Variants in CLSTN2 observed in about 807,000 individuals in gnomAD.
The protein encoded by CLSTN2 is calsyntenin-2.
CLSTN2 carries 48 observed loss-of-function variants against 101.2 expected under a neutral mutation model. The observed-to-expected ratio is 0.47, with a 90% CI of 0.38 to 0.60. The LOEUF (loss-of-function observed/expected upper bound fraction) is 0.60, where lower values mean the gene tolerates loss of function less well. CLSTN2 is among the 20% of genes least tolerant of loss of function. CLSTN2 has a pLI of 0.00. For missense variants in CLSTN2, 1,160 were observed against 1,238.2 expected, an observed-to-expected ratio of 0.94 and a Z score of 0.95; for synonymous variants, 481 against 463.6, an observed-to-expected ratio of 1.04 and a Z score of -0.48.
intron 2 of CLSTN2, among the ~76,000 whole-genome samples, chr3:140,258,784 G>T (rs2107881172): frequency 6.6e-6 from 1 of 152,240 alleles, no homozygotes; most frequent in East Asian, 1.9e-4. Flanking sequence ...TCTGACACTG[G>T]CCATATAATT....
intron 9 of CLSTN2, among the ~76,000 whole-genome samples, chr3:140,544,133 G>A (rs969309976): frequency 7.2e-5 from 11 of 152,180 alleles, no homozygotes; most frequent in Middle Eastern, 3.2e-3. Context: ...CAAAACGTCC[G>A]CTATGTGCCA....
intron 1 of CLSTN2, among the ~76,000 whole-genome samples, chr3:140,135,085 A>C (rs1288631802): frequency 4.8e-4 from 12 of 25,044 alleles, no homozygotes; most frequent in Admixed American, 2.2e-3. Flanking sequence ...GCCTCTCAAA[A>C]AAACACACAC....
chr3:139,938,768 C>G (rs773891197), intron 1 of CLSTN2, among the ~76,000 whole-genome samples: 4 of 152,104 alleles, frequency 2.6e-5, no homozygotes, highest in Non-Finnish European at 4.4e-5. Context: ...ACTTGGTACA[C>G]AGTCCTTCTT....
chr3:140,200,135 G>T (rs1219213576), intron 2 of CLSTN2, among the ~76,000 whole-genome samples: 2 of 152,138 alleles, frequency 1.3e-5, no homozygotes, highest in East Asian at 3.9e-4. Context: ...TTTGTTCTAG[G>T]CAGGGGCTGT....
At chr3:140,259,399 A>C (rs944010950) in intron 2 of CLSTN2, among the ~76,000 whole-genome samples, 1 of 152,140 alleles carries the variant, frequency 6.6e-6, no homozygotes, top group Non-Finnish European at 1.5e-5. Context: ...ACTTGAACTC[A>C]GGAGGCAGAG....
At chr3:140,475,299 C>A (rs1426365604) in intron 8 of CLSTN2, among the ~76,000 whole-genome samples, 1 of 152,164 alleles carries the variant, frequency 6.6e-6, no homozygotes, top group Non-Finnish European at 1.5e-5. Flanking sequence ...GTTGATGGAG[C>A]ATATTGCATA....
chr3:140,227,000 C>T (rs767536146), intron 2 of CLSTN2, among the ~76,000 whole-genome samples: 5 of 152,124 alleles, frequency 3.3e-5, no homozygotes, highest in Non-Finnish European at 5.9e-5. Context: ...TGGGTGGGGA[C>T]ACAACCAAAC....
intron 2 of CLSTN2, among the ~76,000 whole-genome samples, chr3:140,230,741 T>C (rs1158464226): frequency 6.6e-6 from 1 of 152,194 alleles, no homozygotes; most frequent in African/African-American, 2.4e-5. Context: ...CAGTTCATGG[T>C]ATTTTGTTAT....
At chr3:139,962,394 C>T (rs552650630) in intron 1 of CLSTN2, among the ~76,000 whole-genome samples, 1 of 152,196 alleles carries the variant, frequency 6.6e-6, no homozygotes, top group African/African-American at 2.4e-5. Flanking sequence ...TATATGACCT[C>T]CAACAGTTTT....
chr3:140,448,808 T>G (rs1443490791), intron 6 of CLSTN2, 104 bp downstream of exon 6: 4 of 984,810 alleles, frequency 4.1e-6, no homozygotes, highest in East Asian at 2.5e-5. Flanking sequence ...CCTCCCTTCC[T>G]GCACTGATAT....
chr3:140,255,477 C>T (rs73228913), intron 2 of CLSTN2, among the ~76,000 whole-genome samples: 2,261 of 152,094 alleles, frequency 0.015, 31 homozygotes, highest in Middle Eastern at 0.027. Flanking sequence ...ACATAAAAAA[C>T]GACAAATCAT....
intron 2 of CLSTN2, among the ~76,000 whole-genome samples, chr3:140,383,967 G>A (rs984894283): frequency 6.6e-6 from 1 of 152,188 alleles, no homozygotes; most frequent in African/African-American, 2.4e-5. Context: ...GCAGGGTTTG[G>A]CTCTGCTGGA....
chr3:140,244,712 C>T (rs182282809), intron 2 of CLSTN2, among the ~76,000 whole-genome samples: 2 of 152,314 alleles, frequency 1.3e-5, no homozygotes, highest in South Asian at 4.1e-4. Flanking sequence ...CTATTGAACA[C>T]CTTCCCAAAC....
intron 2 of CLSTN2, among the ~76,000 whole-genome samples, chr3:140,233,816 A>G (rs968414898): frequency 5.3e-5 from 8 of 152,184 alleles, no homozygotes; most frequent in Non-Finnish European, 8.8e-5. Context: ...CCTCTTCCAG[A>G]GGGGAACAGC....
intron 2 of CLSTN2, among the ~76,000 whole-genome samples, chr3:140,183,288 T>A (rs976980439): frequency 1.3e-5 from 2 of 152,174 alleles, no homozygotes; most frequent in African/African-American, 4.8e-5. Flanking sequence ...GGAGACAGAC[T>A]ATCCTGGTTT....
intron 1 of CLSTN2, among the ~76,000 whole-genome samples, chr3:140,051,682 A>C (rs776973478): frequency 9.9e-5 from 15 of 152,190 alleles, no homozygotes; most frequent in Non-Finnish European, 2.1e-4. Context: ...ATCACCTGGG[A>C]AGCCTCAAAA....
chr3:140,135,685 G>T (rs1260873248), intron 1 of CLSTN2, among the ~76,000 whole-genome samples: 1 of 152,184 alleles, frequency 6.6e-6, no homozygotes, highest in Non-Finnish European at 1.5e-5. Context: ...AATAGCATTG[G>T]CTCTTTGAGA....
intron 2 of CLSTN2, among the ~76,000 whole-genome samples, chr3:140,256,545 A>C (rs1213444486): frequency 6.6e-6 from 1 of 152,220 alleles, no homozygotes; most frequent in East Asian, 1.9e-4. Context: ...TAGGGCCTCA[A>C]AAATAGTTGT....
At chr3:140,186,837 T>C (rs2010491932) in intron 2 of CLSTN2, among the ~76,000 whole-genome samples, 2 of 152,160 alleles carry the variant, frequency 1.3e-5, no homozygotes, top group Admixed American at 1.3e-4. Context: ...TTTTTTTTAA[T>C]GGAAAGGTGA....
Sources: allele counts gnomAD v4.1 joint callset (sites outside exome capture counted in the v4.1 genomes callset), GRCh38; gene constraint gnomAD v4.1.1; transcripts MANE v1.5; gene names NCBI Gene and HGNC (gene_info 2026-07-23, HGNC 2026-07-21).